CCDC7: variants seen among roughly 807,000 people sequenced by gnomAD.
The protein encoded by CCDC7 is coiled-coil domain containing 7.
Under a neutral mutation model 196.9 loss-of-function variants are expected in CCDC7, and 183 were observed. That is an observed-to-expected ratio of 0.93 (90% CI 0.82 to 1.05). The LOEUF is 1.05. Among genes scored for constraint, CCDC7 ranks in the 50% least tolerant of loss-of-function variants. The pLI is 0.00. For missense variants in CCDC7, 1,540 were observed against 1,482.2 expected (o/e 1.04, Z -0.64); for synonymous variants, 525 against 484.6 (o/e 1.08, Z -1.10).
rs1377676965 is a variant in CCDC7, at chr10:32,501,513, T to C, written c.872+9516T>C. ...TTGCGCTGGTTTCTCCCCATCTTTGTGGATTTATCTACATTTGGTCTGTGA... is the reference window on the plus strand; with the variant it reads ...TTGCGCTGGTTTCTCCCCATCTTTGCGGATTTATCTACATTTGGTCTGTGA... On this transcript the variant is annotated intron_variant, in intron 9 of 41. Coordinates refer to ENST00000639629, the Ensembl canonical transcript of CCDC7. Among the ~76,000 whole-genome samples, 3 of 152,216 alleles carry C rather than the reference T, an allele frequency of 2.0e-5. No individual in the cohort carries two copies. In the East Asian group the frequency reaches 5.8e-4, roughly 29 times the overall value.
At chr10:32,482,036 T>A (rs1261228105) in intron 8 of CCDC7, among the ~76,000 whole-genome samples, 1 of 152,132 alleles carries the variant, frequency 6.6e-6, no homozygotes, top group Non-Finnish European at 1.5e-5. Context: ...GATGTTTATA[T>A]CTTTCCCTAT....
intron 39 of CCDC7, among the ~76,000 whole-genome samples, chr10:32,851,216 C>T (rs2093553270): frequency 6.6e-6 from 1 of 152,084 alleles, no homozygotes; most frequent in South Asian, 2.1e-4. Context: ...ATGCTATAAA[C>T]TTTCCTCTTA....
rs2038896669 is a variant in CCDC7 at position 32,475,973 on chromosome 10, C to G, written c.796+1950C>G. 2.6e-5 allele frequency among the ~76,000 whole-genome samples: 4 copies of G among 152,168 alleles called. No homozygotes were observed. In the South Asian group the frequency reaches 8.3e-4, roughly 32 times the overall value. ...AGAGCTCCCATTAGTGCAGTCCCCC[C>G]ATTCCCGCATAAAGCTTCCCCTGTT... On this transcript the variant is annotated intron_variant, in intron 8 of 41. Coordinates refer to ENST00000639629, the Ensembl canonical transcript of CCDC7.
At chr10:32,595,552 C>A (rs1047661839) in intron 18 of CCDC7, among the ~76,000 whole-genome samples, 4 of 152,154 alleles carry the variant, frequency 2.6e-5, no homozygotes, top group Non-Finnish European at 5.9e-5. Context: ...TTCAGTTCTG[C>A]TCTGATCTTA....
intron 41 of CCDC7, among the ~76,000 whole-genome samples, chr10:32,873,228 TG>T (rs1353651464): frequency 6.6e-6 from 1 of 152,094 alleles, no homozygotes; most frequent in African/African-American, 2.4e-5. Context: ...TTGGAGTCTT[TG>T]TTCATTTCTT....
At chr10:32,754,557 A>T (rs1001410640) in intron 28 of CCDC7, among the ~76,000 whole-genome samples, 1 of 152,346 alleles carries the variant, frequency 6.6e-6, no homozygotes, top group South Asian at 2.1e-4. Context: ...ATATTTCAGT[A>T]TGAAAATAAT....
rs1376581158 is a variant in CCDC7 at position 32,771,770 on chromosome 10, A to G, written c.2906-7207A>G. Among the ~76,000 whole-genome samples the G allele has an allele frequency of 3.3e-5, 5 of 152,182 alleles. No individual in the cohort carries two copies. In the East Asian group the frequency reaches 9.6e-4, roughly 29 times the overall value. On this transcript the variant is annotated intron_variant, in intron 28 of 41. Transcript: ENST00000639629. Reference sequence around the variant, plus strand: ...TTTTGAACACCAGTTAAGAGTAGTAATGAACTGGTCCCACAGGCAGACTAA... The same window carrying G: ...TTTTGAACACCAGTTAAGAGTAGTAGTGAACTGGTCCCACAGGCAGACTAA...
chr10:32,816,905 C>A (rs979548276), intron 31 of CCDC7, among the ~76,000 whole-genome samples: 1 of 151,990 alleles, frequency 6.6e-6, no homozygotes, highest in Non-Finnish European at 1.5e-5. Context: ...GCAGAAAAAA[C>A]AGAAACTCTA....
chr10:32,697,893 C>G (rs886767096), intron 24 of CCDC7, among the ~76,000 whole-genome samples: 2 of 152,186 alleles, frequency 1.3e-5, no homozygotes, highest in African/African-American at 2.4e-5. Context: ...CCTGACCCCC[C>G]AGTAGGCTAA....
At chr10:32,814,436 G>C (rs117833411) in exon 31 of CCDC7, 2 of 1,610,006 alleles carry the variant, frequency 1.2e-6, no homozygotes, top group Admixed American at 1.7e-5. Context: ...TTCAAGACAC[G>C]ATCAAAGAGT....
chr10:32,858,082 A>G (rs2136400896), intron 41 of CCDC7, among the ~76,000 whole-genome samples: 2 of 146,464 alleles, frequency 1.4e-5, no homozygotes, highest in Middle Eastern at 7.2e-3. Flanking sequence ...ATCAGGAAGA[A>G]ATAGAAAGCT....
intron 18 of CCDC7, among the ~76,000 whole-genome samples, chr10:32,587,363 C>T (rs2137679692): frequency 6.6e-6 from 1 of 152,260 alleles, no homozygotes; most frequent in East Asian, 1.9e-4. Flanking sequence ...TGCATCATCC[C>T]ATGGCAGAAG....
chr10:32,663,789 T>C (rs1394539315), intron 20 of CCDC7, among the ~76,000 whole-genome samples: 2 of 151,600 alleles, frequency 1.3e-5, no homozygotes, highest in East Asian at 3.9e-4. Flanking sequence ...TATATATTAA[T>C]CTAAATTATA....
intron 8 of CCDC7, among the ~76,000 whole-genome samples, chr10:32,490,233 C>A (rs2041941646): frequency 6.6e-6 from 1 of 152,144 alleles, no homozygotes; most frequent in African/African-American, 2.4e-5. Flanking sequence ...CCTACCAAGG[C>A]CACTTTCATC....
chr10:32,628,246 C>A (rs1436608558), intron 18 of CCDC7, among the ~76,000 whole-genome samples: 1 of 151,758 alleles, frequency 6.6e-6, no homozygotes, highest in Non-Finnish European at 1.5e-5. Flanking sequence ...CTGATTTAAT[C>A]TTGCTTGGTT....
At chr10:32,779,113 T>G (rs2080610289) in intron 29 of CCDC7, 29 bp downstream of exon 30, 1 of 1,410,320 alleles carries the variant, frequency 7.1e-7, no homozygotes, top group Non-Finnish European at 9.7e-7. Context: ...TTGGATACAG[T>G]AGAACACAAT....
intron 28 of CCDC7, among the ~76,000 whole-genome samples, chr10:32,759,394 A>C (rs1009201129): frequency 6.6e-6 from 1 of 152,226 alleles, no homozygotes; most frequent in Non-Finnish European, 1.5e-5. Context: ...ACCAAAACAG[A>C]GATATGGACC....
Position 32,754,936 on chromosome 10 carries a change from A to G in CCDC7, c.2906-24041A>G, listed in dbSNP as rs138704251. On this transcript the variant is annotated intron_variant, in intron 28 of 41. Transcript: ENST00000639629. Reference sequence around the variant, plus strand: ...TCCCACCCTAATACTGCGCTTTTCCAATGGTCTTAGCAAACAGCACACCAG... The same window carrying G: ...TCCCACCCTAATACTGCGCTTTTCCGATGGTCTTAGCAAACAGCACACCAG... Among the ~76,000 whole-genome samples the G allele has an allele frequency of 5.6e-3, 846 of 152,222 alleles. 6 individuals carry two copies. The highest frequency in any genetic ancestry group is 0.012 in the African/African-American group (503 of 41,538).
chr10:32,655,926 T>G (rs1299578418), intron 20 of CCDC7, among the ~76,000 whole-genome samples: 1 of 152,208 alleles, frequency 6.6e-6, no homozygotes, highest in Non-Finnish European at 1.5e-5. Context: ...TTGAATTGAT[T>G]GCATTCCTTA....
Sources: gnomAD v4.1 joint callset for allele counts (sites outside exome capture counted in the v4.1 genomes callset) on GRCh38, gnomAD v4.1.1 for gene constraint, MANE v1.5 for transcripts, NCBI Gene and HGNC (gene_info 2026-07-23, HGNC 2026-07-21) for gene names.